Variants in OTULIN observed in about 807,000 individuals in gnomAD.
The protein encoded by OTULIN is ubiquitin thioesterase otulin.
Under a neutral mutation model 39.6 loss-of-function variants are expected in OTULIN, and 15 were observed. The observed-to-expected ratio is 0.38, with a 90% CI of 0.25 to 0.58. The LOEUF (loss-of-function observed/expected upper bound fraction) is 0.58. OTULIN is among the 20% of genes least tolerant of loss of function. The pLI, the probability that OTULIN is intolerant of heterozygous loss-of-function variation, is 0.66. For missense variants in OTULIN, 319 were observed against 445.9 expected (o/e 0.72, Z 2.56); for synonymous variants, 156 against 170.3 (o/e 0.92, Z 0.65).
chr5:14,673,111 A>G (rs1736018677), intron 1 of OTULIN, among the ~76,000 whole-genome samples: 1 of 152,158 alleles, frequency 6.6e-6, no homozygotes, highest in African/African-American at 2.4e-5. Context: ...TGGGGTCAGG[A>G]AGCAGGAGGA....
chr5:14,667,042 T>C (rs1401277942), intron 1 of OTULIN, among the ~76,000 whole-genome samples: 1 of 152,234 alleles, frequency 6.6e-6, no homozygotes, highest in African/African-American at 2.4e-5. Flanking sequence ...TCCGCCCAGA[T>C]AGTTGGGTTT....
chr5:14,674,135 G>A lies in OTULIN; in HGVS notation c.229+417G>A, dbSNP rs144879066. 1.4e-4 allele frequency: 23 copies of A among 160,228 alleles called. No individual in the cohort carries two copies. The East Asian group carries it at 4.2e-3, about 30-fold the overall frequency. 9.9% of individuals were successfully genotyped at this position (160,228 alleles called of 1,614,324 possible). A position where few individuals can be genotyped will look rare whatever the true frequency, so the allele number is the denominator to read the frequency against. Reference sequence around the variant, plus strand: ...ATGAATGTGATTAAGTAATAAGAAAGACAGTGATGGGATCAGTAGCACAGA... The same window carrying A: ...ATGAATGTGATTAAGTAATAAGAAAAACAGTGATGGGATCAGTAGCACAGA... On this transcript the variant is annotated intron_variant, in intron 2 of 6. Coordinates refer to ENST00000284274, the MANE Select transcript of OTULIN (RefSeq NM_138348.6).
chr5:14,702,683 A>C (rs1292610590), downstream of OTULIN, among the ~76,000 whole-genome samples: 2 of 152,162 alleles, frequency 1.3e-5, no homozygotes, highest in Non-Finnish European at 2.9e-5. Context: ...CGGTGGAGAT[A>C]CAGGCCGCTC....
intron 4 of OTULIN, among the ~76,000 whole-genome samples, chr5:14,684,190 A>G (rs1030928290): frequency 6.6e-6 from 1 of 152,214 alleles, no homozygotes; most frequent in African/African-American, 2.4e-5. Context: ...TCAGAGAGGG[A>G]AAACACAGTG....
the OTULIN span, among the ~76,000 whole-genome samples, chr5:14,714,884 C>T: frequency 6.6e-6 from 1 of 152,232 alleles, no homozygotes; most frequent in Non-Finnish European, 1.5e-5. Context: ...CCAGGCCCCT[C>T]CTCTGGTCAC....
chr5:14,712,725 T>C, the OTULIN span: 1 of 787,078 alleles, frequency 1.3e-6, no homozygotes, highest in Non-Finnish European at 2.1e-6. Context: ...CCATTAGGCT[T>C]CCAGCCACCC....
At chr5:14,711,250 G>T in the OTULIN span, 1 of 1,614,024 alleles carries the variant, frequency 6.2e-7, no homozygotes, top group East Asian at 2.2e-5. Flanking sequence ...TCTGTCGGAG[G>T]CATGTCTGTC....
At chr5:14,687,676 A>G in intron 5 of OTULIN, 30 bp downstream of exon 5, 1 of 1,564,358 alleles carries the variant, frequency 6.4e-7, no homozygotes, top group Non-Finnish European at 8.6e-7. Flanking sequence ...CTGTCTGATA[A>G]GGGTGAAGCT....
intron 2 of OTULIN, among the ~76,000 whole-genome samples, chr5:14,676,171 T>G (rs1736099270): frequency 6.6e-6 from 1 of 152,242 alleles, no homozygotes; most frequent in Non-Finnish European, 1.5e-5. Context: ...TTGTCACCCA[T>G]GTGGTGGTTA....
intron 1 of OTULIN, among the ~76,000 whole-genome samples, chr5:14,669,559 C>A (rs1361845339): frequency 6.6e-6 from 1 of 152,116 alleles, no homozygotes; most frequent in Non-Finnish European, 1.5e-5. Context: ...ATCTCTTGAG[C>A]CCAGGACTTT....
At chr5:14,681,123 T>C (rs1474569251) in intron 3 of OTULIN, among the ~76,000 whole-genome samples, 2 of 152,204 alleles carry the variant, frequency 1.3e-5, no homozygotes, top group African/African-American at 4.8e-5. Context: ...TATGTGTACA[T>C]GCACATACAC....
At chr5:14,706,863 G>GAT in the OTULIN span, 1 of 152,188 alleles carries the variant, frequency 6.6e-6, no homozygotes, top group Non-Finnish European at 1.5e-5. Context: ...TGCTTTATAT[G>GAT]AGAGCCATCA....
downstream of OTULIN, among the ~76,000 whole-genome samples, chr5:14,704,249 G>A (rs1465544890): frequency 3.9e-5 from 5 of 129,628 alleles, no homozygotes; most frequent in Non-Finnish European, 7.7e-5. Context: ...AGAATCGCTC[G>A]AACCCGGGAG....
chr5:14,712,993 G>A, the OTULIN span: 14 of 1,605,866 alleles, frequency 8.7e-6, no homozygotes, highest in Non-Finnish European at 1.0e-5. Flanking sequence ...AGAACACAAA[G>A]GCAATTTGTC....
At chr5:14,713,633 C>T in the OTULIN span, 1 of 1,614,220 alleles carries the variant, frequency 6.2e-7, no homozygotes, top group Non-Finnish European at 8.5e-7. The surrounding 1 kb of genome is among the most constrained non-coding windows in gnomAD (Gnocchi z 4.4). Context: ...TCTTCAGTGT[C>T]ATCAGCCACC....
chr5:14,692,749 G>A (rs1736562933), intron 6 of OTULIN, 105 bp from the exon 7 acceptor site: 1 of 884,586 alleles, frequency 1.1e-6, no homozygotes, highest in African/African-American at 1.7e-5. Context: ...AAAACGTTGT[G>A]GCTTCACCAT....
chr5:14,667,963 G>A (rs1200060681), intron 1 of OTULIN, among the ~76,000 whole-genome samples: 1 of 152,148 alleles, frequency 6.6e-6, no homozygotes, highest in Non-Finnish European at 1.5e-5. Context: ...ATGGTTGCTG[G>A]CTAGGCCAGA....
rs1401076790 is a variant in OTULIN, at chr5:14,697,818, CAG to C, written c.*4771_*4772del. The C allele has an allele frequency of 6.6e-6, 1 of 152,186 alleles. No individual in the cohort carries two copies. Among genetic ancestry groups the C allele is most frequent in the African/African-American group, 2.4e-5 (1 of 41,446 alleles). 9.4% of individuals were successfully genotyped at this position (152,186 alleles called of 1,614,324 possible). On this transcript the variant is annotated 3_prime_UTR_variant, in exon 7 of 7. Transcript: ENST00000284274. ...CATCGATCAGTACAAGGAAGGGACA[CAG>C]GGCTTAAAATGTCCACAGTCTTGGC...
chr5:14,683,639 A>G (rs896890505), intron 4 of OTULIN, among the ~76,000 whole-genome samples: 3 of 152,198 alleles, frequency 2.0e-5, no homozygotes, highest in Admixed American at 6.5e-5. Context: ...AACTGTGGCT[A>G]TATTATATTA....
Sources: allele counts gnomAD v4.1 joint callset (sites outside exome capture counted in the v4.1 genomes callset), GRCh38; gene constraint gnomAD v4.1.1; non-coding constraint Gnocchi (gnomAD v3.1); transcripts MANE v1.5; gene names NCBI Gene and HGNC (gene_info 2026-07-23, HGNC 2026-07-21).